CSMD1: variants seen among roughly 807,000 people sequenced by gnomAD.
The protein encoded by CSMD1 is CUB and sushi domain-containing protein 1.
A neutral mutation model predicts 417.5 loss-of-function variants in CSMD1; 213 were observed. The observed-to-expected ratio is 0.51, with a 90% CI of 0.46 to 0.57. The LOEUF (loss-of-function observed/expected upper bound fraction) is 0.57, where lower values mean the gene tolerates loss of function less well. CSMD1 is among the 20% of genes least tolerant of loss of function. The pLI is 0.00. For synonymous variants in CSMD1, 2,862 were observed against 1,736.8 expected, an observed-to-expected ratio of 1.65 and a Z score of -16.11; for missense variants, 6,923 against 4,529.7, an observed-to-expected ratio of 1.53 and a Z score of -15.17.
chr8:3,327,264 TC>T (rs1302078220), intron 23 of CSMD1, among the ~76,000 whole-genome samples: 1 of 151,954 alleles, frequency 6.6e-6, no homozygotes, highest in African/African-American at 2.4e-5. Context: ...TGCCTCAGCC[TC>T]CCGAGTAGCT....
At chr8:3,491,503 G>T (rs1465418489) in intron 11 of CSMD1, among the ~76,000 whole-genome samples, 1 of 152,160 alleles carries the variant, frequency 6.6e-6, no homozygotes. Flanking sequence ...TTGTGGTCCA[G>T]CAACATGATT....
At chr8:4,773,031 T>C (rs1362005057) in intron 1 of CSMD1, among the ~76,000 whole-genome samples, 1 of 152,150 alleles carries the variant, frequency 6.6e-6, no homozygotes, top group Non-Finnish European at 1.5e-5. Context: ...CTCATACAGG[T>C]TGAATATCTC....
intron 3 of CSMD1, among the ~76,000 whole-genome samples, chr8:4,190,543 CTT>C (rs11397580): frequency 1.4e-5 from 2 of 147,864 alleles, no homozygotes; most frequent in Non-Finnish European, 1.5e-5. Context: ...CACATATAAG[CTT>C]TTTTTTTTTT....
At chr8:4,161,925 G>C (rs371014024) in intron 3 of CSMD1, among the ~76,000 whole-genome samples, 1 of 151,850 alleles carries the variant, frequency 6.6e-6, no homozygotes, top group East Asian at 1.9e-4. Context: ...TATCCCTTTC[G>C]TTTAAATATT....
intron 5 of CSMD1, among the ~76,000 whole-genome samples, chr8:3,979,481 G>A (rs922780030): frequency 2.0e-5 from 3 of 152,166 alleles, no homozygotes; most frequent in African/African-American, 7.2e-5. Flanking sequence ...CTTTGGCTTA[G>A]AATGTTGTGT....
chr8:3,311,963 TCAATCAAAAAAGGTTAA>T (rs1485516703), intron 23 of CSMD1, among the ~76,000 whole-genome samples: 3 of 149,458 alleles, frequency 2.0e-5, no homozygotes, highest in Non-Finnish European at 4.4e-5. Context: ...TTTAAAGACT[TCAATCAAAAAAGGTTAA>T]CAAAGTTCTA....
At chr8:3,302,774 C>T (rs141086532) in intron 25 of CSMD1, among the ~76,000 whole-genome samples, 38 of 152,290 alleles carry the variant, frequency 2.5e-4, no homozygotes, top group African/African-American at 8.7e-4. Flanking sequence ...GTCCTTCATG[C>T]ACTTTCTCAC....
intron 5 of CSMD1, among the ~76,000 whole-genome samples, chr8:3,794,872 T>TCG (rs904107983): frequency 2.3e-3 from 27 of 11,656 alleles, no homozygotes; most frequent in African/African-American, 2.6e-3. Flanking sequence ...TTACCAATGA[T>TCG]CTCTCTCTCT....
At chr8:3,623,116 A>C (rs1195674914) in intron 7 of CSMD1, among the ~76,000 whole-genome samples, 1 of 152,252 alleles carries the variant, frequency 6.6e-6, no homozygotes, top group African/African-American at 2.4e-5. Context: ...TAATTATGCA[A>C]GTGGATGATC....
intron 68 of CSMD1, among the ~76,000 whole-genome samples, chr8:2,947,804 T>C (rs1255051460): frequency 1.3e-5 from 2 of 152,166 alleles, no homozygotes; most frequent in Non-Finnish European, 2.9e-5. Flanking sequence ...TCCATTTCAT[T>C]ACCTCAAAAT....
At chr8:4,975,024 A>G (rs1810469079) in intron 1 of CSMD1, among the ~76,000 whole-genome samples, 1 of 152,170 alleles carries the variant, frequency 6.6e-6, no homozygotes, top group Non-Finnish European at 1.5e-5. Context: ...GAGCTCTACT[A>G]GAAGGCATTC....
intron 30 of CSMD1, among the ~76,000 whole-genome samples, chr8:3,212,516 G>C (rs1028848760): frequency 2.0e-5 from 3 of 152,006 alleles, no homozygotes; most frequent in African/African-American, 4.8e-5. Flanking sequence ...ATCCAGCTAA[G>C]TTTTGTATTG....
At chr8:3,557,674 A>C (rs977420855) in intron 10 of CSMD1, among the ~76,000 whole-genome samples, 14 of 152,148 alleles carry the variant, frequency 9.2e-5, no homozygotes, top group African/African-American at 3.4e-4. Context: ...GCATGGAGAT[A>C]ATCATTTTAC....
intron 15 of CSMD1, among the ~76,000 whole-genome samples, chr8:3,404,780 C>T (rs2116891516): frequency 7.4e-6 from 1 of 135,874 alleles, no homozygotes; most frequent in South Asian, 2.5e-4. Flanking sequence ...CATGTGCCTG[C>T]ATCCTCTGTT....
rs187355441 is a variant in CSMD1 at position 3,013,796 on chromosome 8, A to G, written c.8029+4681T>C. ...ACAGTCCTCAAAGATCATAGGTACC[A>G]GATCCATCACCACAAATGCATAGCA... On this transcript the variant is annotated intron_variant, in intron 52 of 69. Coordinates refer to ENST00000635120, the MANE Select transcript of CSMD1 (RefSeq NM_033225.6). Among the ~76,000 whole-genome samples, 607 of 152,200 alleles carry G rather than the reference A, an allele frequency of 4.0e-3. 3 individuals carry two copies. Among genetic ancestry groups the G allele is most frequent in the Non-Finnish European group, 6.6e-3 (449 of 68,010 alleles).
intron 7 of CSMD1, among the ~76,000 whole-genome samples, chr8:3,667,981 T>C (rs1043659296): frequency 1.3e-5 from 2 of 152,066 alleles, no homozygotes; most frequent in African/African-American, 4.8e-5. Flanking sequence ...AGAGCCCCAA[T>C]CCCGATCAAT....
intron 23 of CSMD1, among the ~76,000 whole-genome samples, chr8:3,326,447 C>T (rs895203174): frequency 2.0e-5 from 3 of 152,152 alleles, no homozygotes; most frequent in South Asian, 2.1e-4. Flanking sequence ...TGAGGTGTTT[C>T]GGTTTCAGAG....
chr8:4,642,337 C>A (rs1024206792), intron 1 of CSMD1, among the ~76,000 whole-genome samples: 1 of 152,200 alleles, frequency 6.6e-6, no homozygotes, highest in Non-Finnish European at 1.5e-5. Flanking sequence ...GAAAATGGCC[C>A]TGTGCCCTCA....
chr8:4,128,186 A>T (rs1271915615), intron 3 of CSMD1, among the ~76,000 whole-genome samples: 1 of 152,150 alleles, frequency 6.6e-6, no homozygotes, highest in African/African-American at 2.4e-5. Flanking sequence ...CCCCTGCGGA[A>T]AAAGTGCCCT....
Sources: gnomAD v4.1 joint callset for allele counts (sites outside exome capture counted in the v4.1 genomes callset) on GRCh38, gnomAD v4.1.1 for gene constraint, MANE v1.5 for transcripts, NCBI Gene and HGNC (gene_info 2026-07-23, HGNC 2026-07-21) for gene names.